The following NAALADL2 variants were observed in gnomAD, a reference collection of about 807,000 sequenced individuals.
NAALADL2 encodes N-acetylated alpha-linked acidic dipeptidase like 2.
NAALADL2 carries 76 observed loss-of-function variants against 87.2 expected under a neutral mutation model. The observed-to-expected ratio is 0.87, with a 90% CI of 0.72 to 1.05. The LOEUF (loss-of-function observed/expected upper bound fraction) is 1.05. Among genes scored for constraint, NAALADL2 ranks in the 50% least tolerant of loss-of-function variants. The pLI is 0.00. For missense variants in NAALADL2, 1,089 were observed against 945.8 expected, an observed-to-expected ratio of 1.15 and a Z score of -1.99; for synonymous variants, 354 against 331.0, an observed-to-expected ratio of 1.07 and a Z score of -0.75.
intron 9 of NAALADL2, 31 bp downstream of exon 9, chr3:175,471,789 T>G (rs909364427): frequency 6.4e-7 from 1 of 1,554,440 alleles, no homozygotes; most frequent in Non-Finnish European, 8.7e-7. Context: ...ATCAAATGAT[T>G]ATGCAAAACC....
chr3:174,726,205 A>G (rs939897449), intron 2 of NAALADL2, among the ~76,000 whole-genome samples: 72 of 152,198 alleles, frequency 4.7e-4, no homozygotes, highest in African/African-American at 1.7e-3. Flanking sequence ...CTATTAAAAA[A>G]TCCTCCCATA....
At chr3:175,240,877 ACTGGAACTCCCGACCT>A (rs1159031174) in intron 3 of NAALADL2, among the ~76,000 whole-genome samples, 1 of 152,004 alleles carries the variant, frequency 6.6e-6, no homozygotes, top group African/African-American at 2.4e-5. Context: ...CTGGTCTCGA[ACTGGAACTCCCGACCT>A]CAGGTGATCC....
intron 1 of NAALADL2, chr3:175,079,514 C>G (rs1005392465): frequency 6.6e-6 from 1 of 152,060 alleles, no homozygotes; most frequent in African/African-American, 2.4e-5. Context: ...AAAAAGTATG[C>G]TAGGTCTTAA....
chr3:175,456,555 T>A lies in NAALADL2; in HGVS notation c.1235-6846T>A, dbSNP rs77845074. Among the ~76,000 whole-genome samples the A allele has an allele frequency of 1.7e-3, 262 of 152,210 alleles. 7 individuals carry two copies. The East Asian group carries it at 0.045, about 26-fold the overall frequency. On this transcript the variant is annotated intron_variant, in intron 6 of 13. Coordinates refer to ENST00000454872, the MANE Select transcript of NAALADL2 (RefSeq NM_207015.3). ...TAATTACAACTTTCAACGGTGAATT[T>A]TTTTTAAATCTTGAAATAAATGTAC...
chr3:175,789,826 A>G (rs1001280665), intron 13 of NAALADL2, among the ~76,000 whole-genome samples: 1 of 152,162 alleles, frequency 6.6e-6, no homozygotes, highest in Non-Finnish European at 1.5e-5. Context: ...TATTTCAGAT[A>G]GTACCACACA....
At chr3:174,561,607 A>C (rs75332600) in intron 2 of NAALADL2, among the ~76,000 whole-genome samples, 8,914 of 152,114 alleles carry the variant, frequency 0.059, 339 homozygotes, top group South Asian at 0.1. Context: ...TTGAGGGTAG[A>C]AGATTCTTGC....
At chr3:175,760,522 C>A (rs1213226000) in intron 13 of NAALADL2, among the ~76,000 whole-genome samples, 1 of 152,114 alleles carries the variant, frequency 6.6e-6, no homozygotes, top group African/African-American at 2.4e-5. Context: ...TCCGGGACCA[C>A]GTAAGTGAAA....
At chr3:174,954,881 G>C (rs534064472) in intron 1 of NAALADL2, among the ~76,000 whole-genome samples, 1 of 152,206 alleles carries the variant, frequency 6.6e-6, no homozygotes, top group East Asian at 1.9e-4. Flanking sequence ...TAACTTAAGA[G>C]CTAGGGCATG....
intron 2 of NAALADL2, among the ~76,000 whole-genome samples, chr3:175,135,220 G>C (rs369155914): frequency 2.0e-5 from 3 of 152,028 alleles, no homozygotes; most frequent in Non-Finnish European, 4.4e-5. Flanking sequence ...GTTAATTCTC[G>C]GTTAATGTGA....
At chr3:174,535,909 A>G (rs1189608181) in intron 1 of NAALADL2, among the ~76,000 whole-genome samples, 1 of 152,074 alleles carries the variant, frequency 6.6e-6, no homozygotes, top group African/African-American at 2.4e-5. Context: ...CAGTTGCACC[A>G]AACACTTAAC....
intron 2 of NAALADL2, among the ~76,000 whole-genome samples, chr3:175,172,673 A>G (rs545316009): frequency 1.3e-5 from 2 of 152,166 alleles, no homozygotes; most frequent in African/African-American, 4.8e-5. Context: ...ATGTTAATAC[A>G]TACTAGGTGG....
At chr3:175,589,994 C>A (rs182039150) in intron 10 of NAALADL2, among the ~76,000 whole-genome samples, 1 of 151,864 alleles carries the variant, frequency 6.6e-6, no homozygotes, top group African/African-American at 2.4e-5. Context: ...AGGCGGGTCA[C>A]GAGGTCAGGA....
chr3:175,499,381 A>G (rs1189846422), intron 9 of NAALADL2, among the ~76,000 whole-genome samples: 1 of 152,136 alleles, frequency 6.6e-6, no homozygotes, highest in Admixed American at 6.6e-5. Context: ...GTCTAGCGTA[A>G]GAGTCTCTTA....
chr3:175,066,380 G>C (rs892075446), intron 1 of NAALADL2, among the ~76,000 whole-genome samples: 2 of 152,086 alleles, frequency 1.3e-5, no homozygotes, highest in Non-Finnish European at 2.9e-5. Flanking sequence ...GCTGTGTGTA[G>C]TTGCTTATCT....
intron 1 of NAALADL2, among the ~76,000 whole-genome samples, chr3:175,069,575 T>G (rs2109136572): frequency 6.6e-6 from 1 of 150,562 alleles, no homozygotes; most frequent in Admixed American, 6.6e-5. Context: ...GACTGTAAAC[T>G]AGTTCAACCA....
At chr3:175,731,208 G>A (rs1482360371) in intron 11 of NAALADL2, among the ~76,000 whole-genome samples, 1 of 152,256 alleles carries the variant, frequency 6.6e-6, no homozygotes, top group East Asian at 1.9e-4. Flanking sequence ...GGTGACTTGA[G>A]CAAGTTAACT....
chr3:175,703,474 G>A (rs1739255697), intron 11 of NAALADL2, among the ~76,000 whole-genome samples: 1 of 152,146 alleles, frequency 6.6e-6, no homozygotes, highest in Admixed American at 6.5e-5. Context: ...CGGGCATGGT[G>A]GCTCATGCCT....
intron 10 of NAALADL2, among the ~76,000 whole-genome samples, chr3:175,588,446 T>A (rs999862961): frequency 6.6e-6 from 1 of 151,772 alleles, no homozygotes; most frequent in Non-Finnish European, 1.5e-5. Context: ...TGTCCCAAAA[T>A]GTAGAATCTT....
chr3:174,747,619 C>T (rs563933675), intron 3 of NAALADL2, among the ~76,000 whole-genome samples: 1 of 53,432 alleles, frequency 1.9e-5, no homozygotes, highest in South Asian at 6.3e-4. Flanking sequence ...AAGACCCCAT[C>T]TCAAAAAAAA....
Sources: allele counts gnomAD v4.1 joint callset (sites outside exome capture counted in the v4.1 genomes callset), GRCh38; gene constraint gnomAD v4.1.1; transcripts MANE v1.5; gene names NCBI Gene and HGNC (gene_info 2026-07-23, HGNC 2026-07-21).